Variants in TLR9 observed in about 807,000 individuals in gnomAD.
TLR9 encodes the protein toll-like receptor 9.
TLR9 carries 19 observed loss-of-function variants against 24.6 expected under a neutral mutation model. The observed-to-expected ratio is 0.77, with a 90% CI of 0.54 to 1.13. TLR9 has a LOEUF of 1.13. TLR9 is among the 50% of genes most tolerant of loss of function. The probability of loss-of-function intolerance (pLI) is 0.00; values close to 1 mark genes in which losing one functional copy is unlikely to be tolerated. For synonymous variants in TLR9, 579 were observed against 609.8 expected (o/e 0.95, Z 0.74); for missense variants, 1,065 against 1,379.6 (o/e 0.77, Z 3.61).
Position 52,223,697 on chromosome 3 carries a change from T to C in TLR9, c.619A>G (p.Lys207Glu). 6.3e-7 allele frequency: 1 copy of C among 1,597,438 alleles called. No homozygotes were observed. Among genetic ancestry groups the C allele is most frequent in the Non-Finnish European group, 8.5e-7 (1 of 1,170,786 alleles). The change falls in exon 2 of 2, where the codon AAG becomes GAG. Residue 207 changes from lysine to glutamate, a missense_variant. By Grantham distance (56) the Lys-to-Glu change is moderately conservative. Coordinates refer to ENST00000360658, the MANE Select transcript of TLR9 (RefSeq NM_017442.4). Reference protein sequence around the residue: ...GLGNLTHLSLKYNNLTVVPRN... With the variant: ...GLGNLTHLSLEYNNLTVVPRN... ...GGCACCACAGTGAGGTTGTTGTACT[T>C]GAGTGACAGGTGGGTGAGGTTGCCC... is the stretch of plus-strand genomic sequence containing the variant.
Position 52,223,705 on chromosome 3 carries a change from A to G in TLR9, c.611T>C (p.Leu204Pro). ...AGTGAGGTTGTTGTACTTGAGTGACAGGTGGGTGAGGTTGCCCAGGCCAAG... is the reference window on the plus strand; with the variant it reads ...AGTGAGGTTGTTGTACTTGAGTGACGGGTGGGTGAGGTTGCCCAGGCCAAG... ...ALLGLGNLTH[L>P]SLKYNNLTVV... Residue 204 changes from leucine (L) to proline (P), a missense_variant, in exon 2 of 2, where the codon CTG (leucine) becomes CCG (proline). Transcript: ENST00000360658. The G allele has an allele frequency of 6.3e-7, 1 of 1,593,260 alleles. No homozygotes were observed. The highest frequency in any genetic ancestry group is 8.6e-7 in the Non-Finnish European group (1 of 1,168,876).
rs5743846 is a variant in TLR9, at chr3:52,221,672, C to T, written c.2644G>A (p.Ala882Thr). 70 of 1,613,984 alleles carry T rather than the reference C, an allele frequency of 4.3e-5. No homozygotes were observed. Among genetic ancestry groups the T allele is most frequent in the Non-Finnish European group, 5.0e-5 (59 of 1,180,028 alleles). Residue 882 changes from alanine to threonine, a missense_variant, in exon 2 of 2, where the codon GCA becomes ACA. Coordinates refer to ENST00000360658, the MANE Select transcript of TLR9 (RefSeq NM_017442.4). The surrounding 1 kb of genome is among the most constrained non-coding windows in gnomAD (Gnocchi z 9.9). ...AFVVFDKTQSAVADWVYNELR... is the reference protein window; with the variant it reads ...AFVVFDKTQSTVADWVYNELR... ...TCGTTGTACACCCAGTCTGCCACTG[C>T]GCTCTGCGTTTTGTCGAAGACCACG...
Position 52,224,968 on chromosome 3 carries a change from C to T in TLR9, c.3+559G>A, listed in dbSNP as rs181892166. Among the ~76,000 whole-genome samples the T allele has an allele frequency of 3.5e-3, 533 of 152,342 alleles. 4 individuals carry two copies. Among genetic ancestry groups the T allele is most frequent in the Non-Finnish European group, 6.1e-3 (414 of 68,024 alleles). ...GCCCCAAGCTACAGGCCCAGTGAGA[C>T]CCAAACCCAGGCTCCAGCCCCAGCT... On this transcript the variant is annotated intron_variant, in intron 1 of 1. Coordinates refer to ENST00000360658, the MANE Select transcript of TLR9 (RefSeq NM_017442.4).
rs762372795 is a variant in TLR9, at chr3:52,223,608, C to T, written c.708G>A (p.Ala236=). 15 of 1,545,928 alleles carry T rather than the reference C, an allele frequency of 9.7e-6. No homozygotes were observed. The highest frequency in any genetic ancestry group is 4.0e-5 in the Admixed American group (2 of 49,586). ...LLSYNRIVKL[A]PEDLANLTAL... is the part of the protein sequence containing the mutation. ...CGGTCAGATTGGCCAGGTCCTCAGG[C>T]GCCAGTTTGACGATGCGGTTGTAGG... Residue 236 remains alanine, a synonymous_variant, in exon 2 of 2, where the codon GCG becomes GCA. Transcript: ENST00000360658.
chr3:52,222,446 A>C lies in TLR9; in HGVS notation c.1870T>G (p.Phe624Val). 1 of 1,614,206 alleles carries C rather than the reference A, an allele frequency of 6.2e-7. No homozygotes were observed. Among genetic ancestry groups the C allele is most frequent in the Non-Finnish European group, 8.5e-7 (1 of 1,180,046 alleles). ...WAEGDLYLHF[F>V]QGLSGLIWLD... ...CAGATCAAACCGCTCAGGCCTTGGA[A>C]GAAGTGCAGATAGAGGTCTCCCTCG... Residue 624 changes from phenylalanine to valine, a missense_variant, in exon 2 of 2, where the codon TTC (phenylalanine) becomes GTC (valine). Transcript: ENST00000360658.
chr3:52,222,210 C>A lies in TLR9; in HGVS notation c.2106G>T (p.Arg702=). Residue 702 remains arginine (R), a synonymous_variant, in exon 2 of 2, where the codon CGG becomes CGT. Transcript: ENST00000360658. ...LTNGSLPAGT[R]LRRLDVSCNS... Reference sequence around the variant, plus strand: ...TGCAGCTGACATCCAGCCTCCGGAGCCGGGTGCCAGCAGGCAGGCTGCCAT... The same window carrying A: ...TGCAGCTGACATCCAGCCTCCGGAGACGGGTGCCAGCAGGCAGGCTGCCAT... The A allele has an allele frequency of 6.2e-7, 1 of 1,614,136 alleles. No homozygotes were observed. Among genetic ancestry groups the A allele is most frequent in the East Asian group, 2.2e-5 (1 of 44,888 alleles).
At position 52,223,001 on chromosome 3, in the gene TLR9, C is replaced by A; in HGVS notation, c.1315G>T (p.Glu439Ter). 1.3e-6 allele frequency: 2 copies of A among 1,590,398 alleles called. 1 individual carries two copies. Among genetic ancestry groups the A allele is most frequent in the South Asian group, 2.3e-5 (2 of 87,286 alleles). Reference sequence around the variant, plus strand: ...CAGACCTTCTCCCCTCCATCTGCCTCCCCCATGGTGGCTGTCAGCTCCGAA... The same window carrying A: ...CAGACCTTCTCCCCTCCATCTGCCTACCCCATGGTGGCTGTCAGCTCCGAA... The part of the protein sequence containing the change: ...GASELTATMG[E>*]ADGGEKVWLQ... The change falls in exon 2 of 2, where the codon GAG becomes TAG. Residue 439 changes from glutamate (E) to a stop codon, truncating the protein, a stop_gained. Coordinates refer to ENST00000360658, the MANE Select transcript of TLR9 (RefSeq NM_017442.4). LOFTEE classifies it low-confidence loss of function (END_TRUNC).
rs201453101 is a variant in TLR9, at chr3:52,223,335, G to T, written c.981C>A (p.Thr327=). 3.0e-5 allele frequency: 49 copies of T among 1,614,118 alleles called. No homozygotes were observed. The highest frequency in any genetic ancestry group is 3.8e-5 in the Non-Finnish European group (45 of 1,180,048). ...GCTGTGTTAGGCCCTGGAAGGCCTT[G>T]GTTTTAGTGATGCATTTGTAGAGGA... ...ENFLYKCITK[T]KAFQGLTQLR... Residue 327 remains threonine, a synonymous_variant, in exon 2 of 2, where the codon ACC becomes ACA. Transcript: ENST00000360658.
chr3:52,223,531 G>T lies in TLR9; in HGVS notation c.785C>A (p.Pro262His). The change falls in exon 2 of 2, where the codon CCC (proline) becomes CAC (histidine). Residue 262 changes from proline to histidine, a missense_variant. Pro to His is a moderately conservative substitution (Grantham distance 77). Transcript: ENST00000360658. ...GGNCRRCDHA[P>H]NPCMECPRHF... ...ACGAGGGCACTCCATGCAGGGGTTG[G>T]GAGCGTGGTCGCAGCGGCGGCAATT... 6.5e-7 allele frequency: 1 copy of T among 1,539,682 alleles called. No homozygotes were observed. Among genetic ancestry groups the T allele is most frequent in the Non-Finnish European group, 8.8e-7 (1 of 1,142,152 alleles).
At position 52,223,597 on chromosome 3, in the gene TLR9, A is replaced by G. The variant is rs978782016; in HGVS notation, c.719T>C (p.Leu240Pro). The stretch of plus-strand genomic sequence containing the variant: ...CACACGCAGGGCGGTCAGATTGGCC[A>G]GGTCCTCAGGCGCCAGTTTGACGAT... ...NRIVKLAPEDLANLTALRVLD... is the reference protein window; with the variant it reads ...NRIVKLAPEDPANLTALRVLD... Residue 240 changes from leucine (L) to proline (P), a missense_variant, in exon 2 of 2, where the codon CTG becomes CCG. Leu to Pro is a moderately conservative substitution (Grantham distance 98). Transcript: ENST00000360658. The G allele has an allele frequency of 6.5e-7, 1 of 1,541,500 alleles. No individual in the cohort carries two copies. The highest frequency in any genetic ancestry group is 1.4e-5 in the African/African-American group (1 of 72,732).
chr3:52,222,807 C>T lies in TLR9; in HGVS notation c.1509G>A (p.Leu503=). Residue 503 remains leucine, a synonymous_variant, in exon 2 of 2, where the codon CTG becomes CTA. Transcript: ENST00000360658. ...CTGCCTGCGAGATGCAGTTGTGGCTCAGGCGCAGGCACTGCAGGTGCGAGA... is the reference window on the plus strand; with the variant it reads ...CTGCCTGCGAGATGCAGTTGTGGCTTAGGCGCAGGCACTGCAGGTGCGAGA... ...AQLSHLQCLR[L]SHNCISQAVN... 1 of 1,614,130 alleles carries T rather than the reference C, an allele frequency of 6.2e-7. No homozygotes were observed. The highest frequency in any genetic ancestry group is 8.5e-7 in the Non-Finnish European group (1 of 1,180,012).
rs1300972125 is a variant in TLR9 at position 52,222,986 on chromosome 3, C to T, written c.1330G>A (p.Glu444Lys). The T allele has an allele frequency of 2.5e-6, 4 of 1,593,134 alleles. No homozygotes were observed. Among genetic ancestry groups the T allele is most frequent in the East Asian group, 4.5e-5 (2 of 44,652 alleles). Residue 444 changes from glutamate to lysine, a missense_variant, in exon 2 of 2, where the codon GAG becomes AAG. Physicochemically the swap from Glu to Lys is moderately conservative, Grantham distance 56. Coordinates refer to ENST00000360658, the MANE Select transcript of TLR9 (RefSeq NM_017442.4). ...TATMGEADGG[E>K]KVWLQPGDLA... ...TCCCCAGGCTGCAGCCAGACCTTCT[C>T]CCCTCCATCTGCCTCCCCCATGGTG... is the stretch of plus-strand genomic sequence containing the variant.
chr3:52,221,258 AGTG>A lies in TLR9; in HGVS notation c.3055_3057del (p.His1019del), dbSNP rs1299882002. The stretch of plus-strand genomic sequence containing the variant: ...CCCTGGCAGAAGTTCCGGTTATAGA[AGTG>A]GTGGTTGTCCCTGGTCAGGGCCATG... On this transcript the variant is annotated inframe_deletion, in exon 2 of 2. Coordinates refer to ENST00000360658, the MANE Select transcript of TLR9 (RefSeq NM_017442.4). The surrounding 1 kb of genome is among the most constrained non-coding windows in gnomAD (Gnocchi z 9.9). The A allele has an allele frequency of 6.6e-7, 1 of 1,515,910 alleles. No homozygotes were observed. The highest frequency in any genetic ancestry group is 8.8e-7 in the Non-Finnish European group (1 of 1,132,790). 93.9% of individuals were successfully genotyped at this position (1,515,910 alleles called of 1,614,324 possible). A position where few individuals can be genotyped will look rare whatever the true frequency, so the allele number is the denominator to read the frequency against.
rs199797502 is a variant in TLR9 at position 52,223,484 on chromosome 3, C to T, written c.832G>A (p.Asp278Asn). The T allele has an allele frequency of 2.6e-5, 40 of 1,564,238 alleles. No homozygotes were observed. Among genetic ancestry groups the T allele is most frequent in the East Asian group, 1.1e-4 (5 of 44,474 alleles). The change falls in exon 2 of 2, where the codon GAT becomes AAT. Residue 278 changes from aspartate (D) to asparagine (N), a missense_variant. Coordinates refer to ENST00000360658, the MANE Select transcript of TLR9 (RefSeq NM_017442.4). ...AGACGGCTCAGGTGGCTGAAGGTATCGGGATGTAGCTGGGGGAAGTGACGA... is the reference window on the plus strand; with the variant it reads ...AGACGGCTCAGGTGGCTGAAGGTATTGGGATGTAGCTGGGGGAAGTGACGA... ...CPRHFPQLHP[D>N]TFSHLSRLEG... is the part of the protein sequence containing the mutation.
chr3:52,224,287 G>C lies in TLR9; in HGVS notation c.29C>G (p.Pro10Arg). Residue 10 changes from proline (P) to arginine (R), a missense_variant, in exon 2 of 2, where the codon CCG becomes CGG. By Grantham distance (103) the Pro-to-Arg change is moderately radical. Transcript: ENST00000360658. MGFCRSALH[P>R]LSLLVQAIML... Reference sequence around the variant, plus strand: ...GATGGCCTGCACCAGGAGAGACAGCGGGTGCAGGGCGCTGCGGCAGAAACC... The same window carrying C: ...GATGGCCTGCACCAGGAGAGACAGCCGGTGCAGGGCGCTGCGGCAGAAACC... The C allele has an allele frequency of 1.2e-6, 2 of 1,601,684 alleles. No individual in the cohort carries two copies. Among genetic ancestry groups the C allele is most frequent in the Non-Finnish European group, 8.5e-7 (1 of 1,174,190 alleles).
chr3:52,224,229 C>G lies in TLR9; in HGVS notation c.87G>C (p.Leu29Phe), dbSNP rs1245349119. 6.2e-7 allele frequency: 1 copy of G among 1,613,184 alleles called. No individual in the cohort carries two copies. The highest frequency in any genetic ancestry group is 8.5e-7 in the Non-Finnish European group (1 of 1,179,570). Reference sequence around the variant, plus strand: ...GGAGCTCACAGGGTAGGAAGGCAGGCAAGGTACCCAGGGCCAGGGTCATGG... The same window carrying G: ...GGAGCTCACAGGGTAGGAAGGCAGGGAAGGTACCCAGGGCCAGGGTCATGG... ...MLAMTLALGT[L>F]PAFLPCELQP... The change falls in exon 2 of 2, where the codon TTG becomes TTC. Residue 29 changes from leucine to phenylalanine, a missense_variant. By Grantham distance (22) the Leu-to-Phe change is conservative (BLOSUM62 0). Transcript: ENST00000360658.
Position 52,221,766 on chromosome 3 carries a change from G to C in TLR9, c.2550C>G (p.Cys850Trp). Residue 850 changes from cysteine to tryptophan, a missense_variant, in exon 2 of 2, where the codon TGC (cysteine) becomes TGG (tryptophan). Coordinates refer to ENST00000360658, the MANE Select transcript of TLR9 (RefSeq NM_017442.4). The surrounding 1 kb of genome is among the most constrained non-coding windows in gnomAD (Gnocchi z 9.9). The part of the protein sequence containing the change: ...GWDLWYCFHL[C>W]LAWLPWRGRQ... ...GCCCCCGCCAGGGAAGCCAGGCCAG[G>C]CACAGGTGGAAGCAGTACCAGAGGT... The C allele has an allele frequency of 6.2e-7, 1 of 1,613,976 alleles. No homozygotes were observed. Among genetic ancestry groups the C allele is most frequent in the Non-Finnish European group, 8.5e-7 (1 of 1,180,026 alleles).
chr3:52,224,626 C>G (rs778111916), intron 1 of TLR9, among the ~76,000 whole-genome samples: 46 of 152,152 alleles, frequency 3.0e-4, no homozygotes, highest in Non-Finnish European at 5.9e-4. Context: ...CCACGGCCCC[C>G]CCTGGTCTCT....
chr3:52,223,861 T>C lies in TLR9; in HGVS notation c.455A>G (p.His152Arg), dbSNP rs1342987320. 6.2e-7 allele frequency: 1 copy of C among 1,612,262 alleles called. No homozygotes were observed. The highest frequency in any genetic ancestry group is 8.5e-7 in the Non-Finnish European group (1 of 1,179,030). ...AGAGTCTAGCATCAGGATGTTGGTA[T>C]GGCTGAGGGACAGGGATATGAGGGA... is the stretch of plus-strand genomic sequence containing the variant. Reference protein sequence around the residue: ...PKSLISLSLSHTNILMLDSAS... With the variant: ...PKSLISLSLSRTNILMLDSAS... The change falls in exon 2 of 2, where the codon CAT becomes CGT. Residue 152 changes from histidine (H) to arginine (R), a missense_variant. Transcript: ENST00000360658.
Sources: allele counts gnomAD v4.1 joint callset (sites outside exome capture counted in the v4.1 genomes callset), GRCh38; gene constraint gnomAD v4.1.1; non-coding constraint Gnocchi (gnomAD v3.1); transcripts MANE v1.5; gene names NCBI Gene and HGNC (gene_info 2026-07-23, HGNC 2026-07-21).